PRKN: variants seen among roughly 807,000 people sequenced by gnomAD.
PRKN encodes parkin RBR E3 ubiquitin protein ligase.
PRKN carries 56 observed loss-of-function variants against 59.5 expected under a neutral mutation model. The ratio of observed to expected loss-of-function variants is 0.94; its 90% CI spans 0.76 to 1.18. The LOEUF is 1.18. PRKN is among the 50% of genes most tolerant of loss of function. The pLI, the probability that PRKN is intolerant of heterozygous loss-of-function variation, is 0.00. For synonymous variants in PRKN, 250 were observed against 222.1 expected (o/e 1.13, Z -1.12); for missense variants, 657 against 596.4 (o/e 1.10, Z -1.06).
At chr6:162,026,835 T>C (rs564827184) in intron 5 of PRKN, among the ~76,000 whole-genome samples, 38 of 152,322 alleles carry the variant, frequency 2.5e-4, no homozygotes, top group Non-Finnish European at 4.4e-4. Context: ...CAGGATTAAG[T>C]TGCCAGAGTC....
chr6:162,424,350 C>A (rs2128160414), intron 2 of PRKN, among the ~76,000 whole-genome samples: 1 of 152,200 alleles, frequency 6.6e-6, no homozygotes, highest in East Asian at 1.9e-4. Context: ...TTTGTCCAGG[C>A]CCTAGAATGT....
At chr6:161,903,792 TTTTC>T (rs905266511) in intron 6 of PRKN, among the ~76,000 whole-genome samples, 9 of 135,428 alleles carry the variant, frequency 6.6e-5, no homozygotes, top group African/African-American at 2.3e-4. Flanking sequence ...AACTTTCTTT[TTTTC>T]TTTTTCTTTT....
At chr6:162,008,152 A>G (rs1162331563) in intron 5 of PRKN, among the ~76,000 whole-genome samples, 4 of 152,218 alleles carry the variant, frequency 2.6e-5, no homozygotes, top group Non-Finnish European at 5.9e-5. Context: ...TTTACTATGA[A>G]AATTCCTGTA....
intron 9 of PRKN, among the ~76,000 whole-genome samples, chr6:161,482,033 C>T (rs1299400577): frequency 6.6e-6 from 1 of 152,078 alleles, no homozygotes; most frequent in Non-Finnish European, 1.5e-5. Context: ...ACTGCAACAA[C>T]ATCATACTGT....
chr6:162,427,805 C>G (rs1284462404), intron 2 of PRKN, among the ~76,000 whole-genome samples: 13 of 151,804 alleles, frequency 8.6e-5, no homozygotes, highest in Non-Finnish European at 1.9e-4. Flanking sequence ...CAGACCACGC[C>G]CAGCTAATGT....
chr6:162,022,169 G>T (rs1783233102), intron 5 of PRKN, among the ~76,000 whole-genome samples: 1 of 152,000 alleles, frequency 6.6e-6, no homozygotes, highest in African/African-American at 2.4e-5. Flanking sequence ...ATGAGTTTTT[G>T]ATAGAATGAT....
In PRKN at chr6:161,993,460, C is replaced by T. The variant is rs868611252; in HGVS notation, c.619-20043G>A. 6.6e-5 allele frequency among the ~76,000 whole-genome samples: 10 copies of T among 152,186 alleles called. No homozygotes were observed. In the South Asian group the frequency reaches 1.9e-3, roughly 28 times the overall value. ...TGAGATTAAAGCAGTAATTAAAAGTCCCCCAACAAGGAAAGGTCCAGGACA... is the reference window on the plus strand; with the variant it reads ...TGAGATTAAAGCAGTAATTAAAAGTTCCCCAACAAGGAAAGGTCCAGGACA... On this transcript the variant is annotated intron_variant, in intron 5 of 11. Transcript: ENST00000366898.
chr6:161,704,009 C>A (rs1786378120), intron 7 of PRKN, among the ~76,000 whole-genome samples: 2 of 152,020 alleles, frequency 1.3e-5, no homozygotes, highest in African/African-American at 2.4e-5. Flanking sequence ...GCATGCACCA[C>A]CACACCTGGC....
At chr6:161,558,229 C>T (rs1460713932) in intron 8 of PRKN, among the ~76,000 whole-genome samples, 1 of 152,080 alleles carries the variant, frequency 6.6e-6, no homozygotes, top group Non-Finnish European at 1.5e-5. Context: ...CCACGCTTTC[C>T]ACAATACCCA....
intron 5 of PRKN, among the ~76,000 whole-genome samples, chr6:162,003,964 G>A (rs555715385): frequency 6.6e-6 from 1 of 152,244 alleles, no homozygotes; most frequent in African/African-American, 2.4e-5. Context: ...TATTCTCACT[G>A]CAGCAACTTG....
intron 1 of PRKN, among the ~76,000 whole-genome samples, chr6:162,712,323 T>C (rs1370712570): frequency 6.6e-6 from 1 of 152,200 alleles, no homozygotes; most frequent in Non-Finnish European, 1.5e-5. Context: ...CAGGACTGTT[T>C]ATACATCTGA....
intron 2 of PRKN, among the ~76,000 whole-genome samples, chr6:162,286,502 G>A (rs1050678831): frequency 1.3e-5 from 2 of 152,064 alleles, no homozygotes; most frequent in African/African-American, 4.8e-5. Flanking sequence ...ATGCAATACT[G>A]ACTCCAATAA....
At chr6:162,254,113 G>A (rs940825429) in intron 3 of PRKN, among the ~76,000 whole-genome samples, 1 of 152,124 alleles carries the variant, frequency 6.6e-6, no homozygotes, top group African/African-American at 2.4e-5. Flanking sequence ...TTGCAGCTAA[G>A]GAAGGACCGT....
At chr6:161,464,469 G>T (rs1790357247) in intron 9 of PRKN, among the ~76,000 whole-genome samples, 1 of 152,160 alleles carries the variant, frequency 6.6e-6, no homozygotes, top group African/African-American at 2.4e-5. Context: ...AAATATGTCA[G>T]TTTTAATTGT....
At chr6:162,170,036 C>T (rs1453841347) in intron 4 of PRKN, among the ~76,000 whole-genome samples, 1 of 152,156 alleles carries the variant, frequency 6.6e-6, no homozygotes, top group Non-Finnish European at 1.5e-5. Flanking sequence ...GTGAAATTCA[C>T]CACTATACAT....
At chr6:162,597,135 T>C (rs1202925342) in intron 1 of PRKN, among the ~76,000 whole-genome samples, 3 of 152,258 alleles carry the variant, frequency 2.0e-5, no homozygotes, top group African/African-American at 7.2e-5. Flanking sequence ...TAATTTAAAC[T>C]TGATTTTTTC....
intron 1 of PRKN, among the ~76,000 whole-genome samples, chr6:162,675,653 T>C (rs1779518063): frequency 6.6e-6 from 1 of 152,164 alleles, no homozygotes; most frequent in Non-Finnish European, 1.5e-5. Context: ...CTTTAATAAA[T>C]GTAGAGAGAT....
chr6:162,556,062 C>T (rs1428658335), intron 1 of PRKN, among the ~76,000 whole-genome samples: 5 of 151,274 alleles, frequency 3.3e-5, no homozygotes, highest in African/African-American at 1.2e-4. Flanking sequence ...TTAGAGCAGA[C>T]CCTGAAAGCA....
chr6:161,547,443 A>G lies in PRKN; in HGVS notation c.1083+1411T>C, dbSNP rs984700971. Among the ~76,000 whole-genome samples the G allele has an allele frequency of 6.6e-6, 1 of 152,254 alleles. No homozygotes were observed. Among genetic ancestry groups the G allele is most frequent in the Non-Finnish European group, 1.5e-5 (1 of 68,042 alleles). On this transcript the variant is annotated intron_variant, in intron 9 of 11. Coordinates refer to ENST00000366898, the MANE Select transcript of PRKN (RefSeq NM_004562.3). The surrounding 1 kb of genome is among the most constrained non-coding windows in gnomAD (Gnocchi z 4.0). ...ATAAAGATATTCAAGATTTCACATT[A>G]CATAAACCCTTCAACATTCTTAAAG...
Sources: allele counts gnomAD v4.1 joint callset (sites outside exome capture counted in the v4.1 genomes callset), GRCh38; gene constraint gnomAD v4.1.1; non-coding constraint Gnocchi (gnomAD v3.1); transcripts MANE v1.5; gene names NCBI Gene and HGNC (gene_info 2026-07-23, HGNC 2026-07-21).